Variants in INSC observed in about 807,000 individuals in gnomAD.
The protein encoded by INSC is INSC spindle orientation adaptor protein, also known as protein inscuteable homolog.
INSC carries 67 observed loss-of-function variants against 58.6 expected under a neutral mutation model. That is an observed-to-expected ratio of 1.14 (90% CI 0.94 to 1.40). The LOEUF (loss-of-function observed/expected upper bound fraction) is 1.40. Among genes scored for constraint, INSC ranks in the 40% most tolerant of loss-of-function variants. The pLI is 0.00. For missense variants in INSC, 714 were observed against 692.0 expected (o/e 1.03, Z -0.36); for synonymous variants, 262 against 276.1 (o/e 0.95, Z 0.51).
intron 12 of INSC, among the ~76,000 whole-genome samples, chr11:15,242,273 T>G (rs1405046007): frequency 6.6e-6 from 1 of 152,182 alleles, no homozygotes; most frequent in Admixed American, 6.5e-5. Flanking sequence ...CAGCTATCAT[T>G]TTTATTAGTG....
At chr11:15,204,498 C>A (rs1377106470) in intron 7 of INSC, among the ~76,000 whole-genome samples, 2 of 152,248 alleles carry the variant, frequency 1.3e-5, no homozygotes. Flanking sequence ...CACACCCCCT[C>A]CCTGGGTTCT....
the INSC span, among the ~76,000 whole-genome samples, chr11:15,252,741 C>T: frequency 6.6e-6 from 1 of 152,176 alleles, no homozygotes. Flanking sequence ...GAATGAAACT[C>T]CACTGCTTGA....
chr11:15,152,680 T>G (rs1027333997), intron 2 of INSC, among the ~76,000 whole-genome samples: 6 of 152,230 alleles, frequency 3.9e-5, no homozygotes, highest in African/African-American at 1.4e-4. Flanking sequence ...TAAATTTATT[T>G]TGTCTAAAAC....
intron 9 of INSC, among the ~76,000 whole-genome samples, chr11:15,226,113 T>A (rs1851628984): frequency 6.6e-6 from 1 of 152,232 alleles, no homozygotes; most frequent in African/African-American, 2.4e-5. Flanking sequence ...CTACGAGATC[T>A]CCTACCTGCT....
chr11:15,183,386 T>G (rs952194819), intron 5 of INSC, among the ~76,000 whole-genome samples: 1 of 149,850 alleles, frequency 6.7e-6, no homozygotes, highest in African/African-American at 2.5e-5. Flanking sequence ...AAAAAATAAA[T>G]TGTGTATTTT....
intron 7 of INSC, among the ~76,000 whole-genome samples, chr11:15,209,930 C>T (rs1024880761): frequency 1.3e-5 from 2 of 152,142 alleles, no homozygotes; most frequent in African/African-American, 4.8e-5. Context: ...TCAATAAGGA[C>T]AGAATGGAAT....
intron 1 of INSC, among the ~76,000 whole-genome samples, chr11:15,116,722 C>A (rs1015557217): frequency 6.6e-6 from 1 of 151,772 alleles, no homozygotes; most frequent in African/African-American, 2.4e-5. Context: ...TTCCTTTCTT[C>A]CTTCCTTCTC....
At chr11:15,113,219 C>G (rs894686449), upstream of INSC, among the ~76,000 whole-genome samples, 1 of 151,258 alleles carries the variant, frequency 6.6e-6, no homozygotes, top group Non-Finnish European at 1.5e-5. Flanking sequence ...GTGGCACAAT[C>G]TTGGCTCACT....
chr11:15,240,493 C>A lies in INSC; in HGVS notation c.1440C>A (p.Asn480Lys). Residue 480 changes from asparagine to lysine, a missense_variant, in exon 12 of 13, where the codon AAC becomes AAA. Physicochemically the swap from Asn to Lys is moderately conservative, Grantham distance 94. Coordinates refer to ENST00000379556, the MANE Select transcript of INSC (RefSeq NM_001042536.3). ...IELCRSPSER[N>K]SSDAVLVACL... The stretch of plus-strand genomic sequence containing the variant: ...TCTGCAGATCCCCATCAGAGAGGAA[C>A]AGCAGTGACGCCGTGCTTGTGGCCT... 6.2e-7 allele frequency: 1 copy of A among 1,613,902 alleles called. No individual in the cohort carries two copies. Among genetic ancestry groups the A allele is most frequent in the South Asian group, 1.1e-5 (1 of 90,986 alleles).
rs760455248 is a variant in INSC at position 15,221,636 on chromosome 11, A to G, written c.979A>G (p.Thr327Ala). ...SFLESMEEIV[T>A]ALVKLCQEAS... is the part of the protein sequence containing the mutation. ...CCTGGAGAGCATGGAGGAGATCGTG[A>G]CAGCCCTCGTCAGTGAGTCACCCTG... Residue 327 changes from threonine to alanine, a missense_variant, in exon 8 of 13, where the codon ACA becomes GCA. By Grantham distance (58) the Thr-to-Ala change is moderately conservative (BLOSUM62 0). Coordinates refer to ENST00000379556, the MANE Select transcript of INSC (RefSeq NM_001042536.3). 1 of 1,611,950 alleles carries G rather than the reference A, an allele frequency of 6.2e-7. No individual in the cohort carries two copies. The highest frequency in any genetic ancestry group is 1.7e-5 in the Admixed American group (1 of 59,826).
intron 5 of INSC, among the ~76,000 whole-genome samples, chr11:15,180,695 G>T (rs1242679357): frequency 3.8e-5 from 1 of 26,650 alleles, no homozygotes; most frequent in African/African-American, 1.9e-4. Flanking sequence ...GGGGGGGGGC[G>T]GGGGGGGGTG....
chr11:15,247,356 C>T (rs1413363340), downstream of INSC: 2 of 152,080 alleles, frequency 1.3e-5, no homozygotes, highest in Non-Finnish European at 2.9e-5. Context: ...TATTAAATTA[C>T]TTGCACAAGG....
In INSC at chr11:15,240,461, A is replaced by G; in HGVS notation, c.1408A>G (p.Ile470Val). The G allele has an allele frequency of 6.2e-7, 1 of 1,613,902 alleles. No homozygotes were observed. Among genetic ancestry groups the G allele is most frequent in the Non-Finnish European group, 8.5e-7 (1 of 1,179,932 alleles). Residue 470 changes from isoleucine to valine, a missense_variant, in exon 12 of 13, where the codon ATC (isoleucine) becomes GTC (valine). Physicochemically the swap from Ile to Val is conservative, Grantham distance 29 (BLOSUM62 3). Transcript: ENST00000379556. ...GTCTCCTACAGGCATGTCCCGTCTC[A>G]TCGAGCTCTGCAGATCCCCATCAGA... ...AVRLSCMSRL[I>V]ELCRSPSERN...
intron 8 of INSC, 101 bp from the exon 9 acceptor site, chr11:15,225,549 C>T: frequency 8.3e-7 from 1 of 1,201,954 alleles, no homozygotes; most frequent in Non-Finnish European, 1.2e-6. Context: ...TATTATAACA[C>T]CTGCTCAAAC....
intron 1 of INSC, among the ~76,000 whole-genome samples, chr11:15,129,520 GAATT>G (rs1848076161): frequency 6.6e-6 from 1 of 152,140 alleles, no homozygotes; most frequent in Non-Finnish European, 1.5e-5. Context: ...TCATATGCAT[GAATT>G]ATCTATTAAC....
At chr11:15,190,978 ATTTTTT>A (rs5789865) in intron 6 of INSC, among the ~76,000 whole-genome samples, 164 bp downstream of exon 6, 3 of 128,660 alleles carry the variant, frequency 2.3e-5, no homozygotes, top group Non-Finnish European at 4.9e-5. Context: ...TGGTGTGTGC[ATTTTTT>A]TTTTTTTTTT....
At chr11:15,118,865 C>G (rs764159047) in intron 1 of INSC, among the ~76,000 whole-genome samples, 9 of 152,282 alleles carry the variant, frequency 5.9e-5, no homozygotes, top group Non-Finnish European at 8.8e-5. Context: ...GTCCAGCTTC[C>G]TTTTTAGGCT....
chr11:15,210,505 T>TGTGTGTGTG (rs1850979290), intron 7 of INSC, among the ~76,000 whole-genome samples: 2 of 135,466 alleles, frequency 1.5e-5, no homozygotes, highest in Admixed American at 7.4e-5. Flanking sequence ...ATTTGAGAGT[T>TGTGTGTGTG]TGTGTGTGTG....
intron 7 of INSC, among the ~76,000 whole-genome samples, chr11:15,204,572 G>A (rs1850721409): frequency 6.6e-6 from 1 of 152,234 alleles, no homozygotes; most frequent in African/African-American, 2.4e-5. Flanking sequence ...CTCTGGTGAG[G>A]TTGGCCATTG....
Sources: gnomAD v4.1 joint callset for allele counts (sites outside exome capture counted in the v4.1 genomes callset) on GRCh38, gnomAD v4.1.1 for gene constraint, MANE v1.5 for transcripts, NCBI Gene and HGNC (gene_info 2026-07-23, HGNC 2026-07-21) for gene names.